Variants in OR2T2 observed in about 807,000 individuals in gnomAD.
OR2T2 encodes the protein olfactory receptor family 2 subfamily T member 2.
For synonymous variants in OR2T2, 50 were observed against 162.7 expected (o/e 0.31, Z 5.27); for missense variants, 138 against 409.1 (o/e 0.34, Z 5.72).
chr1:248,449,071 A>G (rs1162385473), intron 2 of OR2T2, 123 bp from the exon 3 acceptor site: 1 of 146,436 alleles, frequency 6.8e-6, no homozygotes, highest in Non-Finnish European at 1.5e-5. Flanking sequence ...CCTTAAGAAT[A>G]TTGTCAGTTC....
chr1:248,446,978 A>G (rs1457812376), intron 2 of OR2T2, among the ~76,000 whole-genome samples, 167 bp downstream of exon 2: 6 of 148,100 alleles, frequency 4.1e-5, no homozygotes, highest in East Asian at 1.9e-4. Flanking sequence ...CACACTGAAA[A>G]TTTCCAAATT....
intron 2 of OR2T2, among the ~76,000 whole-genome samples, chr1:248,447,866 T>C (rs2103018629): frequency 6.7e-6 from 1 of 149,464 alleles, no homozygotes; most frequent in South Asian, 2.2e-4. Flanking sequence ...TAGTTTTAGT[T>C]AACCTGCAAT....
chr1:248,445,762 G>A (rs1419427410), intron 1 of OR2T2, 93 bp downstream of exon 1: 4 of 151,990 alleles, frequency 2.6e-5, no homozygotes, highest in African/African-American at 4.9e-5. Flanking sequence ...AGAAGGCCAC[G>A]TTACTACTGT....
At chr1:248,455,071 TA>T (rs1558342915) in exon 3 of OR2T2, 2 of 151,678 alleles carry the variant, frequency 1.3e-5, no homozygotes, top group African/African-American at 2.4e-5. Context: ...TTTGGTGGAA[TA>T]CTAACTAAGC....
Position 248,453,598 on chromosome 1 carries a change from C to CA in OR2T2, c.802dup (p.Thr268AsnfsTer6), listed in dbSNP as rs766486364. On this transcript the variant is annotated frameshift_variant, in exon 3 of 3. Transcript: ENST00000642130. LOFTEE classifies it low-confidence loss of function (END_TRUNC). ...CCAACGTGCTGCCCCACTCCTACCACACTCCAGAGAAAGATAAAGTGGTGT... is the reference window on the plus strand; with the variant it reads ...CCAACGTGCTGCCCCACTCCTACCACAACTCCAGAGAAAGATAAAGTGGTGT... The CA allele has an allele frequency of 3.8e-5, 60 of 1,561,026 alleles. No individual in the cohort carries two copies. The East Asian group carries it at 1.3e-3, about 35-fold the overall frequency.
chr1:248,447,968 TATC>T (rs574772700), intron 2 of OR2T2, among the ~76,000 whole-genome samples: 20 of 152,378 alleles, frequency 1.3e-4, no homozygotes, highest in Admixed American at 7.8e-4. Flanking sequence ...GTGGTGGAAA[TATC>T]ATCCCTCTGT....
intron 2 of OR2T2, among the ~76,000 whole-genome samples, chr1:248,450,563 G>A (rs1393048107): frequency 5.9e-5 from 9 of 152,028 alleles, no homozygotes; most frequent in Non-Finnish European, 8.8e-5. Context: ...TTATTTACAT[G>A]AAACAAAATG....
chr1:248,446,310 G>A (rs78027930), intron 1 of OR2T2, among the ~76,000 whole-genome samples: 20,394 of 143,730 alleles, frequency 0.14, 2,635 homozygotes, highest in East Asian at 0.38. Context: ...GTTGAGCTGA[G>A]TAACTGGAGC....
At chr1:248,445,820 A>G (rs1398833215) in intron 1 of OR2T2, among the ~76,000 whole-genome samples, 151 bp downstream of exon 1, 1 of 151,456 alleles carries the variant, frequency 6.6e-6, no homozygotes, top group Admixed American at 6.5e-5. Context: ...AAGATTAAGC[A>G]TAAATAACAT....
intron 1 of OR2T2, among the ~76,000 whole-genome samples, chr1:248,446,257 A>C (rs1662646178): frequency 6.9e-6 from 1 of 143,898 alleles, no homozygotes; most frequent in Non-Finnish European, 1.5e-5. Flanking sequence ...TAAAACTATT[A>C]GAGGTCTCCT....
chr1:248,447,589 T>C (rs532790745), intron 2 of OR2T2, among the ~76,000 whole-genome samples: 1 of 150,556 alleles, frequency 6.6e-6, no homozygotes, highest in African/African-American at 2.5e-5. Context: ...TTTGACATTA[T>C]TTACATTGTC....
rs796473886 is a variant in OR2T2, at chr1:248,449,915, C to G, written c.-22-2861C>G. On this transcript the variant is annotated intron_variant, in intron 2 of 2. Transcript: ENST00000642130. ...AATGATGATAGTGAGGGAAAGATGA[C>G]CTGATGGGGAATGGAATCTAGGATC... Among the ~76,000 whole-genome samples the G allele has an allele frequency of 3.7e-3, 459 of 124,568 alleles. 8 individuals are homozygous for G. Among genetic ancestry groups the G allele is most frequent in the African/African-American group, 0.014 (363 of 25,124 alleles). The allele number at this position is 124,568 out of a possible 152,430, so 81.7% of individuals were successfully genotyped here. A position where few individuals can be genotyped will look rare whatever the true frequency, so the allele number is the denominator to read the frequency against.
At chr1:248,450,204 T>TAAAGGCC (rs373696477) in intron 2 of OR2T2, among the ~76,000 whole-genome samples, 1 of 146,424 alleles carries the variant, frequency 6.8e-6, no homozygotes, top group African/African-American at 2.7e-5. Flanking sequence ...AGCAGTGTAG[T>TAAAGGCC]TCTGCTCTTT....
rs1662709746 is a variant in OR2T2, at chr1:248,448,077, G to GAA, written c.-23+1266_-23+1267insAA. On this transcript the variant is annotated intron_variant, in intron 2 of 2. Transcript: ENST00000642130. ...TGGCGGACTCAGTGCTTGTGTTCAAGTAACTCAGTTTTTCTTAATGGCTCC... is the reference window on the plus strand; with the variant it reads ...TGGCGGACTCAGTGCTTGTGTTCAAGAATAACTCAGTTTTTCTTAATGGCTCC... Among the ~76,000 whole-genome samples the GAA allele has an allele frequency of 2.6e-5, 4 of 152,358 alleles. No homozygotes were observed. The South Asian group carries it at 8.3e-4, about 32-fold the overall frequency.
rs568013679 is a variant in OR2T2 at position 248,453,843 on chromosome 1, G to C, written c.*71G>C. 67 of 1,294,004 alleles carry C rather than the reference G, an allele frequency of 5.2e-5. No homozygotes were observed. In the East Asian group the frequency reaches 2.1e-3, roughly 41 times the overall value. The allele number at this position is 1,294,004 out of a possible 1,614,324, so 80.2% of individuals were successfully genotyped here. A position where few individuals can be genotyped will look rare whatever the true frequency, so the allele number is the denominator to read the frequency against. ...TTAGCGGGGACTCCCAGAGCATCAG[G>C]GGTGGTGACTGATCAGGAAGGACTA... On this transcript the variant is annotated 3_prime_UTR_variant, in exon 3 of 3. Transcript: ENST00000642130.
chr1:248,449,513 C>G (rs1440544504), intron 2 of OR2T2, 121 bp downstream of exon 3: 1 of 148,374 alleles, frequency 6.7e-6, no homozygotes, highest in African/African-American at 2.6e-5. Flanking sequence ...TCCCTCTTCT[C>G]CATGTGGCAG....
intron 2 of OR2T2, 114 bp downstream of exon 2, chr1:248,446,925 T>G (rs1308876187): frequency 6.9e-6 from 1 of 144,546 alleles, no homozygotes; most frequent in African/African-American, 2.8e-5. Flanking sequence ...ATTTTTTTTT[T>G]TTTTTTAAAG....
chr1:248,447,200 C>T (rs1662683674), intron 2 of OR2T2, among the ~76,000 whole-genome samples: 1 of 149,028 alleles, frequency 6.7e-6, no homozygotes, highest in Non-Finnish European at 1.5e-5. Context: ...GAAGCAAGGT[C>T]CAAATGCGTT....
In OR2T2 at chr1:248,453,806, G is replaced by A. The variant is rs780412903; in HGVS notation, c.*34G>A. On this transcript the variant is annotated 3_prime_UTR_variant, in exon 3 of 3. Transcript: ENST00000642130. The stretch of plus-strand genomic sequence containing the variant: ...CCCACAGCATCAGAGTGGTGACTGT[G>A]ATCGGGAAGGATTAGCGGGGACTCC... 7.5e-6 allele frequency: 11 copies of A among 1,473,660 alleles called. No homozygotes were observed. The South Asian group carries it at 9.3e-5, about 13-fold the overall frequency. 91.3% of individuals were successfully genotyped at this position (1,473,660 alleles called of 1,614,324 possible). A position where few individuals can be genotyped will look rare whatever the true frequency, so the allele number is the denominator to read the frequency against.
Sources: allele counts gnomAD v4.1 joint callset (sites outside exome capture counted in the v4.1 genomes callset), GRCh38; gene constraint gnomAD v4.1.1; transcripts MANE v1.5; gene names NCBI Gene and HGNC (gene_info 2026-07-23, HGNC 2026-07-21).